Variants in YTHDF1 observed in about 807,000 individuals in gnomAD.
YTHDF1 encodes the protein YTH N6-methyladenosine RNA binding protein F1.
A neutral mutation model predicts 49.1 loss-of-function variants in YTHDF1; 16 were observed. The observed-to-expected ratio is 0.33, with a 90% CI of 0.22 to 0.49. The LOEUF is 0.49. Among genes scored for constraint, YTHDF1 ranks in the 20% least tolerant of loss-of-function variants. The pLI is 0.99. For synonymous variants in YTHDF1, 313 were observed against 290.1 expected (o/e 1.08, Z -0.80); for missense variants, 621 against 744.3 (o/e 0.83, Z 1.93).
rs1039480097 is a variant in YTHDF1 at position 63,202,206 on chromosome 20, T to C, written c.1653+81A>G. 5 of 1,514,260 alleles carry C rather than the reference T, an allele frequency of 3.3e-6. 1 individual carries two copies. The highest frequency in any genetic ancestry group is 4.4e-6 in the Non-Finnish European group (5 of 1,130,142). 93.8% of individuals were successfully genotyped at this position (1,514,260 alleles called of 1,614,324 possible). ...CTCAGCTCGGCGGACCTGCCGCATC[T>C]GCTCACCACCGGGCCACCTGGTCTA... On this transcript the variant is annotated intron_variant, in intron 4 of 4. Coordinates refer to ENST00000370339, the MANE Select transcript of YTHDF1 (RefSeq NM_017798.4).
In YTHDF1 at chr20:63,209,277, T is replaced by G. The variant is rs201456602; in HGVS notation, c.132+4587A>C. Among the ~76,000 whole-genome samples, 6 of 152,368 alleles carry G rather than the reference T, an allele frequency of 3.9e-5. No homozygotes were observed. The East Asian group carries it at 1.2e-3, about 29-fold the overall frequency. On this transcript the variant is annotated intron_variant, in intron 3 of 4. Coordinates refer to ENST00000370339, the MANE Select transcript of YTHDF1 (RefSeq NM_017798.4). The stretch of plus-strand genomic sequence containing the variant: ...TAACACTACACTCAATTTTTAAATT[T>G]TCCTTTCTTCAATAATAAACCCTAG...
Position 63,206,658 on chromosome 20 carries a change from G to A in YTHDF1, c.133-2851C>T, listed in dbSNP as rs73919077. On this transcript the variant is annotated intron_variant, in intron 3 of 4. Coordinates refer to ENST00000370339, the MANE Select transcript of YTHDF1 (RefSeq NM_017798.4). ...ACTTTCTGTGCTCACCGGGTTCCAC[G>A]GCCACACAGGCAGGCTGGATACAGT... Among the ~76,000 whole-genome samples the A allele has an allele frequency of 1.9e-3, 295 of 152,340 alleles. 3 individuals carry two copies. Among genetic ancestry groups the A allele is most frequent in the African/African-American group, 6.6e-3 (274 of 41,574 alleles).
intron 3 of YTHDF1, among the ~76,000 whole-genome samples, chr20:63,206,132 AG>A (rs2066545006): frequency 6.6e-6 from 1 of 152,210 alleles, no homozygotes; most frequent in African/African-American, 2.4e-5. Flanking sequence ...CCCACAGGGA[AG>A]CCAGCCCTCC....
At chr20:63,212,525 C>T (rs553031048) in intron 3 of YTHDF1, among the ~76,000 whole-genome samples, 1 of 152,346 alleles carries the variant, frequency 6.6e-6, no homozygotes, top group East Asian at 1.9e-4. Context: ...AGAGCATCTG[C>T]TTTGTGCTGC....
chr20:63,215,347 G>C (rs953994755), intron 2 of YTHDF1, among the ~76,000 whole-genome samples: 5 of 152,220 alleles, frequency 3.3e-5, no homozygotes, highest in Non-Finnish European at 7.3e-5. Flanking sequence ...TGATCATGCG[G>C]TGGGGAGAGA....
chr20:63,207,081 C>G (rs1395067170), intron 3 of YTHDF1, among the ~76,000 whole-genome samples: 2 of 152,248 alleles, frequency 1.3e-5, no homozygotes, highest in Non-Finnish European at 2.9e-5. Flanking sequence ...CTGCCAAGTG[C>G]TGGAGGCGAG....
chr20:63,199,129 T>C (rs1262226087), intron 4 of YTHDF1, among the ~76,000 whole-genome samples: 1 of 152,224 alleles, frequency 6.6e-6, no homozygotes, highest in Non-Finnish European at 1.5e-5. Flanking sequence ...GTGGGTCTGT[T>C]CTTCGAAGTC....
intron 3 of YTHDF1, among the ~76,000 whole-genome samples, chr20:63,204,656 T>C (rs1321656124): frequency 6.6e-6 from 1 of 152,140 alleles, no homozygotes; most frequent in East Asian, 1.9e-4. Flanking sequence ...GTCTGTGTAG[T>C]GACTGGAACC....
rs2066521843 is a variant in YTHDF1, at chr20:63,202,423, C to T, written c.1517G>A (p.Arg506Gln). 6.2e-7 allele frequency: 1 copy of T among 1,614,270 alleles called. No individual in the cohort carries two copies. Among genetic ancestry groups the T allele is most frequent in the Non-Finnish European group, 8.5e-7 (1 of 1,180,052 alleles). ...TTCTAAGGGCACCTCCTGGGTGTCC[C>T]GGGAGTTTGTGACCGGTTTGTTGTC... Reference protein sequence around the residue: ...NNDNKPVTNSRDTQEVPLEKA... With the variant: ...NNDNKPVTNSQDTQEVPLEKA... Residue 506 changes from arginine (R) to glutamine (Q), a missense_variant, in exon 4 of 5, where the codon CGG becomes CAG. Coordinates refer to ENST00000370339, the MANE Select transcript of YTHDF1 (RefSeq NM_017798.4).
At chr20:63,215,639 C>A (rs376339170) in intron 1 of YTHDF1, 38 bp from the exon 2 acceptor site, 4 of 1,588,264 alleles carry the variant, frequency 2.5e-6, no homozygotes, top group Admixed American at 1.8e-5. Context: ...GTACACACAA[C>A]CCGGGGGAAG....
Position 63,207,482 on chromosome 20 carries a change from C to CA in YTHDF1, c.133-3676dup, listed in dbSNP as rs557298739. Among the ~76,000 whole-genome samples the CA allele has an allele frequency of 4.8e-3, 715 of 149,196 alleles. 2 individuals carry two copies. Among genetic ancestry groups the CA allele is most frequent in the Non-Finnish European group, 5.5e-3 (368 of 67,100 alleles). ...AGACTCTGTCCCCCCCACCCCCCTC[C>CA]AAAAAAAAGAACAAATTCAAAGCTT... On this transcript the variant is annotated intron_variant, in intron 3 of 4. Coordinates refer to ENST00000370339, the MANE Select transcript of YTHDF1 (RefSeq NM_017798.4).
chr20:63,196,801 G>C, intron 4 of YTHDF1, 67 bp from the exon 5 acceptor site: 11 of 1,599,492 alleles, frequency 6.9e-6, no homozygotes, highest in Non-Finnish European at 9.4e-6. Context: ...CCAAAAGTGA[G>C]ATCCGAGGCT....
chr20:63,212,214 A>C (rs2122991833), intron 3 of YTHDF1, among the ~76,000 whole-genome samples: 1 of 152,380 alleles, frequency 6.6e-6, no homozygotes, highest in East Asian at 1.9e-4. Flanking sequence ...CTCAGAAGGC[A>C]ACCAAGAGAC....
intron 2 of YTHDF1, 97 bp from the exon 3 acceptor site, chr20:63,214,040 T>C: frequency 1.4e-6 from 2 of 1,459,886 alleles, no homozygotes; most frequent in South Asian, 1.3e-5. Flanking sequence ...CATCTATTTC[T>C]AGCAGAAATT....
rs1024393380 is a variant in YTHDF1, at chr20:63,216,088, C to A, written c.-196G>T. The A allele has an allele frequency of 8.7e-5, 21 of 240,660 alleles. No homozygotes were observed. Among genetic ancestry groups the A allele is most frequent in the Non-Finnish European group, 3.3e-5 (5 of 150,018 alleles). The allele number at this position is 240,660 out of a possible 1,614,324, so 14.9% of individuals were successfully genotyped here. The stretch of plus-strand genomic sequence containing the variant: ...AGCGGCGGTGAGCCCGGGACGCGGA[C>A]GCACTGAGGAGGCGTCGACTCCAAT... On this transcript the variant is annotated 5_prime_UTR_variant, in exon 1 of 5. Coordinates refer to ENST00000370339, the MANE Select transcript of YTHDF1 (RefSeq NM_017798.4).
chr20:63,203,497 C>T lies in YTHDF1; in HGVS notation c.443G>A (p.Gly148Glu). Reference sequence around the variant, plus strand: ...GCTCGGGGGGTAGGTGTAGCTGCTCCCATACGCGGAGCTCTGGGTCTGCTG... The same window carrying T: ...GCTCGGGGGGTAGGTGTAGCTGCTCTCATACGCGGAGCTCTGGGTCTGCTG... ...QGQQTQSSAYGSSYTYPPSSL... is the reference protein window; with the variant it reads ...QGQQTQSSAYESSYTYPPSSL... Residue 148 changes from glycine to glutamate, a missense_variant, in exon 4 of 5, where the codon GGG becomes GAG. By Grantham distance (98) the Gly-to-Glu change is moderately conservative (BLOSUM62 -2). This residue lies in a region of YTHDF1 where 470 missense variants were observed against 495.8 expected (regional missense o/e 0.95). Coordinates refer to ENST00000370339, the MANE Select transcript of YTHDF1 (RefSeq NM_017798.4). The surrounding 1 kb of genome is among the most constrained non-coding windows in gnomAD (Gnocchi z 4.4). 1 of 1,613,760 alleles carries T rather than the reference C, an allele frequency of 6.2e-7. No homozygotes were observed. Among genetic ancestry groups the T allele is most frequent in the Non-Finnish European group, 8.5e-7 (1 of 1,180,022 alleles).
Position 63,210,574 on chromosome 20 carries a change from G to A in YTHDF1, c.132+3290C>T, listed in dbSNP as rs891811708. Among the ~76,000 whole-genome samples, 14 of 151,936 alleles carry A rather than the reference G, an allele frequency of 9.2e-5. No homozygotes were observed. The East Asian group carries it at 2.1e-3, about 23-fold the overall frequency. Reference sequence around the variant, plus strand: ...TGAGGCAGGGGGATCACCAGAGGTCGGGAGTTCGAGACCAGCCTGACCAAC... The same window carrying A: ...TGAGGCAGGGGGATCACCAGAGGTCAGGAGTTCGAGACCAGCCTGACCAAC... On this transcript the variant is annotated intron_variant, in intron 3 of 4. Transcript: ENST00000370339.
chr20:63,205,188 T>C (rs1202728477), intron 3 of YTHDF1, among the ~76,000 whole-genome samples: 1 of 152,194 alleles, frequency 6.6e-6, no homozygotes, highest in Admixed American at 6.5e-5. Context: ...ACCTTTCATG[T>C]TGGCATCAAA....
chr20:63,212,665 G>C (rs1448261142), intron 3 of YTHDF1, among the ~76,000 whole-genome samples: 3 of 152,220 alleles, frequency 2.0e-5, no homozygotes, highest in Non-Finnish European at 2.9e-5. Flanking sequence ...GACATAAACA[G>C]ATACCGCTTC....
Sources: allele counts gnomAD v4.1 joint callset (sites outside exome capture counted in the v4.1 genomes callset), GRCh38; gene constraint gnomAD v4.1.1; regional missense constraint gnomAD v4.1.1; non-coding constraint Gnocchi (gnomAD v3.1); transcripts MANE v1.5; gene names NCBI Gene and HGNC (gene_info 2026-07-23, HGNC 2026-07-21).